Variants in C4orf54 observed in about 807,000 individuals in gnomAD.
C4orf54 encodes the protein chromosome 4 open reading frame 54.
A neutral mutation model predicts 80.1 loss-of-function variants in C4orf54; 67 were observed. The ratio of observed to expected loss-of-function variants is 0.84; its 90% CI spans 0.69 to 1.03. The LOEUF is 1.03. Among genes scored for constraint, C4orf54 ranks in the 50% least tolerant of loss-of-function variants. The pLI, the probability that C4orf54 is intolerant of heterozygous loss-of-function variation, is 0.00. For synonymous variants in C4orf54, 1,000 were observed against 917.0 expected (o/e 1.09, Z -1.64); for missense variants, 2,434 against 2,253.5 (o/e 1.08, Z -1.62).
chr4:99,653,313 T>C lies in C4orf54; in HGVS notation c.1336A>G (p.Ser446Gly). 6.5e-7 allele frequency: 1 copy of C among 1,532,918 alleles called. No homozygotes were observed. Among genetic ancestry groups the C allele is most frequent in the Non-Finnish European group, 8.7e-7 (1 of 1,144,658 alleles). The allele number at this position is 1,532,918 out of a possible 1,614,324, so 95.0% of individuals were successfully genotyped here. ...TPSTNTTRTPSPTSSDLARPN... is the reference protein window; with the variant it reads ...TPSTNTTRTPGPTSSDLARPN... The stretch of plus-strand genomic sequence containing the variant: ...CGGGCCAGGTCGCTGCTTGTAGGGC[T>C]GGGCGTCCGGGTGGTGTTGGTGCTG... Residue 446 changes from serine to glycine, a missense_variant, in exon 2 of 3, where the codon AGC becomes GGC. By Grantham distance (56) the Ser-to-Gly change is moderately conservative (BLOSUM62 0). Coordinates refer to ENST00000511828, the MANE Select transcript of C4orf54 (RefSeq NM_001354435.2).
Position 99,652,994 on chromosome 4 carries a change from A to C in C4orf54, c.1655T>G (p.Met552Arg), listed in dbSNP as rs1395063700. 6.5e-7 allele frequency: 1 copy of C among 1,536,062 alleles called. No individual in the cohort carries two copies. Among genetic ancestry groups the C allele is most frequent in the East Asian group, 2.4e-5 (1 of 40,922 alleles). ...IIYAAKHEGD[M>R]SLRVSTAAEH... ...AGCAGCTGTAGAGACGCGGAGGCTC[A>C]TGTCGCCTTCATGCTTGGCAGCATA... Residue 552 changes from methionine to arginine, a missense_variant, in exon 2 of 3, where the codon ATG becomes AGG. Physicochemically the swap from Met to Arg is moderately conservative, Grantham distance 91. Coordinates refer to ENST00000511828, the MANE Select transcript of C4orf54 (RefSeq NM_001354435.2).
At position 99,651,244 on chromosome 4, in the gene C4orf54, G is replaced by C; in HGVS notation, c.3405C>G (p.Pro1135=). ...TPEQGLTGPK[P]RQLSAAAGGS... Reference sequence around the variant, plus strand: ...CGCCAGCTGCTGCAGACAGCTGCCTGGGTTTGGGTCCAGTCAGCCCCTGCT... The same window carrying C: ...CGCCAGCTGCTGCAGACAGCTGCCTCGGTTTGGGTCCAGTCAGCCCCTGCT... The change falls in exon 2 of 3, where the codon CCC becomes CCG. Residue 1135 remains proline (P), a synonymous_variant. Coordinates refer to ENST00000511828, the MANE Select transcript of C4orf54 (RefSeq NM_001354435.2). 6.5e-7 allele frequency: 1 copy of C among 1,536,140 alleles called. No individual in the cohort carries two copies. Among genetic ancestry groups the C allele is most frequent in the Non-Finnish European group, 8.7e-7 (1 of 1,146,914 alleles).
At position 99,652,868 on chromosome 4, in the gene C4orf54, C is replaced by A; in HGVS notation, c.1781G>T (p.Cys594Phe). The A allele has an allele frequency of 6.5e-7, 1 of 1,536,158 alleles. No individual in the cohort carries two copies. Among genetic ancestry groups the A allele is most frequent in the East Asian group, 2.4e-5 (1 of 40,898 alleles). Residue 594 changes from cysteine to phenylalanine, a missense_variant, in exon 2 of 3, where the codon TGC becomes TTC. By Grantham distance (205) the Cys-to-Phe change is radical. Coordinates refer to ENST00000511828, the MANE Select transcript of C4orf54 (RefSeq NM_001354435.2). ...CAGCTCCTTCGCCCGGATGGCCCCGCACCTGGTTTGCAGGCGAGCAGGTAC... is the reference window on the plus strand; with the variant it reads ...CAGCTCCTTCGCCCGGATGGCCCCGAACCTGGTTTGCAGGCGAGCAGGTAC... ...IAVPARLQTRCGAIRAKELVD... is the reference protein window; with the variant it reads ...IAVPARLQTRFGAIRAKELVD...
rs1364913950 is a variant in C4orf54 at position 99,650,200 on chromosome 4, C to T, written c.4449G>A (p.Glu1483=). 1 of 1,535,894 alleles carries T rather than the reference C, an allele frequency of 6.5e-7. No individual in the cohort carries two copies. The highest frequency in any genetic ancestry group is 8.7e-7 in the Non-Finnish European group (1 of 1,146,878). The change falls in exon 2 of 3, where the codon GAG becomes GAA. Residue 1483 remains glutamate, a synonymous_variant. Coordinates refer to ENST00000511828, the MANE Select transcript of C4orf54 (RefSeq NM_001354435.2). ...IPLKGSSAAG[E]LLSRPGASRE... ...TGGAAGCCCCAGGCCTGCTAAGAAG[C>T]TCCCCTGCAGCAGAGCTTCCTTTAA...
In C4orf54 at chr4:99,650,773, C is replaced by T. The variant is rs1726804266; in HGVS notation, c.3876G>A (p.Ser1292=). 2.0e-6 allele frequency: 3 copies of T among 1,536,052 alleles called. No individual in the cohort carries two copies. Among genetic ancestry groups the T allele is most frequent in the African/African-American group, 2.7e-5 (2 of 73,054 alleles). Residue 1292 remains serine, a synonymous_variant, in exon 2 of 3, where the codon TCG becomes TCA. Coordinates refer to ENST00000511828, the MANE Select transcript of C4orf54 (RefSeq NM_001354435.2). ...LPMMMDSHVL[S]LIASEEREGV... The stretch of plus-strand genomic sequence containing the variant: ...CTTCCCTCTCCTCACTGGCAATGAG[C>T]GACAGCACGTGGCTGTCCATCATCA...
rs112194614 is a variant in C4orf54 at position 99,654,046 on chromosome 4, A to G, written c.603T>C (p.Ala201=). Residue 201 remains alanine (A), a synonymous_variant, in exon 2 of 3, where the codon GCT becomes GCC. Coordinates refer to ENST00000511828, the MANE Select transcript of C4orf54 (RefSeq NM_001354435.2). ...EAKYVDMCAS[A]EVQRESPQTM... ...TCTGGGGACTCTCCCTCTGGACTTC[A>G]GCTGAAGCACACATGTCCACATATT... 4.5e-4 allele frequency: 696 copies of G among 1,536,042 alleles called. 3 individuals carry two copies. In the African/African-American group the frequency reaches 8.7e-3, roughly 19 times the overall value.
Position 99,651,746 on chromosome 4 carries a change from T to C in C4orf54, c.2903A>G (p.Lys968Arg), listed in dbSNP as rs1467609476. The C allele has an allele frequency of 1.3e-6, 2 of 1,536,100 alleles. No individual in the cohort carries two copies. Among genetic ancestry groups the C allele is most frequent in the Non-Finnish European group, 1.7e-6 (2 of 1,146,900 alleles). The change falls in exon 2 of 3, where the codon AAA becomes AGA. Residue 968 changes from lysine to arginine, a missense_variant. Transcript: ENST00000511828. ...QAPIGKLKLP[K>R]GGDWRADLGE... is the part of the protein sequence containing the mutation. ...GAGATCAGCCCGCCAGTCGCCTCCT[T>C]TGGGCAGCTTCAGCTTCCCTATAGG...
rs1226192064 is a variant in C4orf54, at chr4:99,636,611, A to C, written c.*4622T>G. ...AACAGTCAAAATAAAAGACCATTACACAAGATTGCACAATCATTTACAAAT... is the reference window on the plus strand; with the variant it reads ...AACAGTCAAAATAAAAGACCATTACCCAAGATTGCACAATCATTTACAAAT... On this transcript the variant is annotated 3_prime_UTR_variant, in exon 3 of 3. Coordinates refer to ENST00000511828, the MANE Select transcript of C4orf54 (RefSeq NM_001354435.2). 1 of 152,206 alleles carries C rather than the reference A, an allele frequency of 6.6e-6. No individual in the cohort carries two copies. The highest frequency in any genetic ancestry group is 1.5e-5 in the Non-Finnish European group (1 of 68,034). 9.4% of individuals were successfully genotyped at this position (152,206 alleles called of 1,614,324 possible).
Position 99,649,746 on chromosome 4 carries a change from G to T in C4orf54, c.4903C>A (p.Leu1635Met). 1 of 1,536,234 alleles carries T rather than the reference G, an allele frequency of 6.5e-7. No individual in the cohort carries two copies. The highest frequency in any genetic ancestry group is 8.7e-7 in the Non-Finnish European group (1 of 1,146,918). ...TACTGCCCTGTCTCAGGGTCAAACA[G>T]TCTCCGGGTCATGGGCTGTACTGGT... ...DTPVQPMTRR[L>M]FDPETGQYVD... Residue 1635 changes from leucine to methionine, a missense_variant, in exon 2 of 3, where the codon CTG becomes ATG. Physicochemically the swap from Leu to Met is conservative, Grantham distance 15. Transcript: ENST00000511828.
intron 2 of C4orf54, among the ~76,000 whole-genome samples, chr4:99,641,473 T>C (rs1726606385): frequency 1.3e-5 from 2 of 152,148 alleles, no homozygotes; most frequent in Admixed American, 1.3e-4. Flanking sequence ...AGTTAAATGT[T>C]CCGTTTCATT....
chr4:99,645,600 C>T (rs1726688836), intron 2 of C4orf54, among the ~76,000 whole-genome samples: 1 of 151,896 alleles, frequency 6.6e-6, no homozygotes, highest in African/African-American at 2.4e-5. Context: ...AAAAATACAG[C>T]ATCTAAGTGG....
In C4orf54 at chr4:99,636,765, A is replaced by C. The variant is rs1726510626; in HGVS notation, c.*4468T>G. On this transcript the variant is annotated 3_prime_UTR_variant, in exon 3 of 3. Transcript: ENST00000511828. ...TCAAAGTTTCCTTGGCTGGATTCAA[A>C]GTCCCCTTGGCCAAGCTCATTGCAT... The C allele has an allele frequency of 6.6e-6, 1 of 152,170 alleles. No individual in the cohort carries two copies. The highest frequency in any genetic ancestry group is 1.5e-5 in the Non-Finnish European group (1 of 68,028). The allele number at this position is 152,170 out of a possible 1,614,324, so 9.4% of individuals were successfully genotyped here. A position where few individuals can be genotyped will look rare whatever the true frequency, so the allele number is the denominator to read the frequency against.
chr4:99,656,108 C>T (rs1030061672), intron 1 of C4orf54, among the ~76,000 whole-genome samples: 5 of 151,796 alleles, frequency 3.3e-5, no homozygotes, highest in Admixed American at 1.3e-4. Flanking sequence ...CTAAAAATAC[C>T]AAGAATCAGA....
intron 1 of C4orf54, among the ~76,000 whole-genome samples, chr4:99,655,128 A>T (rs1023608437): frequency 6.6e-6 from 1 of 152,178 alleles, no homozygotes; most frequent in Admixed American, 6.5e-5. Context: ...TTTCATAAGA[A>T]TAGAATATTC....
At position 99,653,612 on chromosome 4, in the gene C4orf54, C is replaced by A. The variant is rs2110257132; in HGVS notation, c.1037G>T (p.Cys346Phe). The A allele has an allele frequency of 1.3e-6, 2 of 1,536,002 alleles. No individual in the cohort carries two copies. The highest frequency in any genetic ancestry group is 1.2e-5 in the South Asian group (1 of 84,062). The change falls in exon 2 of 3, where the codon TGC (cysteine) becomes TTC (phenylalanine). Residue 346 changes from cysteine to phenylalanine, a missense_variant. Coordinates refer to ENST00000511828, the MANE Select transcript of C4orf54 (RefSeq NM_001354435.2). ...CTGGGACTTGGCAATAATGTCCCTG[C>A]ACTCTGTTCCATCTCCTGCCCCTCC... is the stretch of plus-strand genomic sequence containing the variant. ...GGGGAGDGTE[C>F]RDIIAKSQGS...
In C4orf54 at chr4:99,649,736, G is replaced by A; in HGVS notation, c.4913C>T (p.Pro1638Leu). ...VQPMTRRLFD[P>L]ETGQYVDVPM... is the part of the protein sequence containing the mutation. ...CACATCCACATACTGCCCTGTCTCA[G>A]GGTCAAACAGTCTCCGGGTCATGGG... The change falls in exon 2 of 3, where the codon CCT becomes CTT. Residue 1638 changes from proline to leucine, a missense_variant. Physicochemically the swap from Pro to Leu is moderately conservative, Grantham distance 98. Coordinates refer to ENST00000511828, the MANE Select transcript of C4orf54 (RefSeq NM_001354435.2). 6.5e-7 allele frequency: 1 copy of A among 1,536,202 alleles called. No homozygotes were observed. The highest frequency in any genetic ancestry group is 8.7e-7 in the Non-Finnish European group (1 of 1,146,910).
rs61130907 is a variant in C4orf54 at position 99,643,792 on chromosome 4, A to ACACCCC, written c.*37-2597_*37-2596insGGGGTG. On this transcript the variant is annotated intron_variant, in intron 2 of 2. Coordinates refer to ENST00000511828, the MANE Select transcript of C4orf54 (RefSeq NM_001354435.2). ...CACACACACACACACACACACACAC[A>ACACCCC]CCCCCTCCGCGGCAGTAAAACGGCC... Among the ~76,000 whole-genome samples the ACACCCC allele has an allele frequency of 4.6e-3, 453 of 98,680 alleles. 4 individuals are homozygous for ACACCCC. Among genetic ancestry groups the ACACCCC allele is most frequent in the Non-Finnish European group, 6.2e-3 (319 of 51,162 alleles). The allele number at this position is 98,680 out of a possible 152,430, so 64.7% of individuals were successfully genotyped here.
In C4orf54 at chr4:99,636,691, T is replaced by C. The variant is rs1726507921; in HGVS notation, c.*4542A>G. The C allele has an allele frequency of 6.6e-6, 1 of 152,190 alleles. No individual in the cohort carries two copies. Among genetic ancestry groups the C allele is most frequent in the African/African-American group, 2.4e-5 (1 of 41,450 alleles). 9.4% of individuals were successfully genotyped at this position (152,190 alleles called of 1,614,324 possible). A position where few individuals can be genotyped will look rare whatever the true frequency, so the allele number is the denominator to read the frequency against. ...TCACAGAATCCTTGTCTAAATAGTT[T>C]ACTCCATATTCAATGCACTGAAAAT... On this transcript the variant is annotated 3_prime_UTR_variant, in exon 3 of 3. Transcript: ENST00000511828.
rs1277484945 is a variant in C4orf54 at position 99,641,075 on chromosome 4, T to C, written c.*158A>G. 1 of 152,142 alleles carries C rather than the reference T, an allele frequency of 6.6e-6. No individual in the cohort carries two copies. The highest frequency in any genetic ancestry group is 2.4e-5 in the African/African-American group (1 of 41,444). The allele number at this position is 152,142 out of a possible 1,614,324, so 9.4% of individuals were successfully genotyped here. ...AATATAGAAACTTACACACTTAGCT[T>C]ATAAGAAGCAAAAATTAAGAATAAC... On this transcript the variant is annotated 3_prime_UTR_variant, in exon 3 of 3. Coordinates refer to ENST00000511828, the MANE Select transcript of C4orf54 (RefSeq NM_001354435.2).
Sources: gnomAD v4.1 joint callset for allele counts (sites outside exome capture counted in the v4.1 genomes callset) on GRCh38, gnomAD v4.1.1 for gene constraint, MANE v1.5 for transcripts, NCBI Gene and HGNC (gene_info 2026-07-23, HGNC 2026-07-21) for gene names.